The following PSMA1 variants were observed in gnomAD, a reference collection of about 807,000 sequenced individuals.
The protein encoded by PSMA1 is proteasome subunit alpha type-1.
A neutral mutation model predicts 38.4 loss-of-function variants in PSMA1; 3 were observed. That is an observed-to-expected ratio of 0.08 (90% CI 0.04 to 0.20). The LOEUF is 0.20. Ranked by LOEUF, PSMA1 falls within the 10% of genes least tolerant of loss-of-function variation. The pLI is 1.00. For synonymous variants in PSMA1, 101 were observed against 107.1 expected (o/e 0.94, Z 0.35); for missense variants, 227 against 325.3 (o/e 0.70, Z 2.32).
chr11:14,559,489 G>T (rs2134172422), intron 2 of PSMA1, among the ~76,000 whole-genome samples: 1 of 152,290 alleles, frequency 6.6e-6, no homozygotes, highest in East Asian at 1.9e-4. Flanking sequence ...ACAGCTAGTG[G>T]GACTAGTGGC....
chr11:14,629,220 T>C lies in PSMA1; in HGVS notation c.-166+14235A>G, dbSNP rs1852965523. ...GCTTCTGTTGCCATTGCTTTTGGTG[T>C]TTTAGACATGAAGTCCTTGCCCATG... is the stretch of plus-strand genomic sequence containing the variant. On this transcript the variant is annotated intron_variant, in intron 1 of 10. Coordinates refer to the PSMA1 transcript ENST00000418988. 3.3e-5 allele frequency among the ~76,000 whole-genome samples: 5 copies of C among 152,258 alleles called. No individual in the cohort carries two copies. The South Asian group carries it at 1.0e-3, about 32-fold the overall frequency.
intron 1 of PSMA1, among the ~76,000 whole-genome samples, chr11:14,612,220 T>C (rs1590010768): frequency 1.3e-5 from 2 of 152,174 alleles, no homozygotes; most frequent in East Asian, 3.8e-4. Context: ...AGTTGTGTCA[T>C]AGGAAAACAA....
intron 8 of PSMA1, among the ~76,000 whole-genome samples, 163 bp from the exon 9 acceptor site, chr11:14,507,929 C>A (rs931752248): frequency 6.6e-6 from 1 of 152,064 alleles, no homozygotes; most frequent in African/African-American, 2.4e-5. Flanking sequence ...AACTAGTGGA[C>A]CCTTGTCATT....
intron 1 of PSMA1, among the ~76,000 whole-genome samples, chr11:14,637,804 G>A (rs1702762115): frequency 6.6e-6 from 1 of 152,132 alleles, no homozygotes; most frequent in Non-Finnish European, 1.5e-5. Flanking sequence ...AAGAAAGAGA[G>A]CTATTTACTT....
intron 2 of PSMA1, among the ~76,000 whole-genome samples, chr11:14,594,457 C>A (rs1852461981): frequency 6.6e-6 from 1 of 152,056 alleles, no homozygotes; most frequent in African/African-American, 2.4e-5. Flanking sequence ...CATGTCTAGA[C>A]CAAGACATGT....
At chr11:14,611,024 A>C (rs1403247) in exon 2 of PSMA1, 883,648 of 1,597,740 alleles carry the variant, frequency 0.55, 246,759 homozygotes, top group East Asian at 0.66. Flanking sequence ...AGACCAACAT[A>C]CAACATAGGT....
chr11:14,618,449 G>C (rs141130573), intron 1 of PSMA1, among the ~76,000 whole-genome samples: 33 of 152,312 alleles, frequency 2.2e-4, no homozygotes, highest in Non-Finnish European at 4.0e-4. Context: ...CCTCTCAGTA[G>C]AGTTATCCAA....
intron 8 of PSMA1, among the ~76,000 whole-genome samples, 185 bp from the exon 9 acceptor site, chr11:14,507,951 T>C (rs1851273605): frequency 6.6e-6 from 1 of 152,218 alleles, no homozygotes; most frequent in Non-Finnish European, 1.5e-5. Context: ...GCAGATTTAA[T>C]ATTAATACTA....
intron 2 of PSMA1, among the ~76,000 whole-genome samples, chr11:14,564,360 T>C (rs1852044412): frequency 1.3e-5 from 2 of 152,262 alleles, no homozygotes; most frequent in African/African-American, 4.8e-5. Context: ...ATCCAGGTTT[T>C]GCATGCATTG....
intron 7 of PSMA1, 35 bp downstream of exon 7, chr11:14,513,531 GCAAA>G: frequency 2.5e-6 from 3 of 1,182,530 alleles, no homozygotes; most frequent in South Asian, 2.3e-5. Flanking sequence ...ACTGGAAAAG[GCAAA>G]AAAAAAAAAA....
intron 1 of PSMA1, among the ~76,000 whole-genome samples, chr11:14,624,611 C>T (rs1852889141): frequency 6.6e-6 from 1 of 152,162 alleles, no homozygotes; most frequent in Non-Finnish European, 1.5e-5. Context: ...TAGATACTGC[C>T]AGGGCAGTTT....
intron 1 of PSMA1, among the ~76,000 whole-genome samples, chr11:14,619,218 G>A (rs1852811374): frequency 1.3e-5 from 2 of 152,152 alleles, no homozygotes; most frequent in Non-Finnish European, 2.9e-5. Context: ...GGAGGCGGAG[G>A]CAAGCAGATT....
Position 14,612,575 on chromosome 11 carries a change from T to A in PSMA1, c.-165-1424A>T, listed in dbSNP as rs945460272. Among the ~76,000 whole-genome samples the A allele has an allele frequency of 2.0e-5, 3 of 152,298 alleles. No homozygotes were observed. In the South Asian group the frequency reaches 6.2e-4, roughly 32 times the overall value. On this transcript the variant is annotated intron_variant, in intron 1 of 10. Coordinates refer to the PSMA1 transcript ENST00000418988. ...GGAGCAGTTTCTTAATTCATTCTAC[T>A]AGCAACTGATATTGTGCTAGGTGAA...
At chr11:14,632,885 T>G (rs1328236160) in intron 1 of PSMA1, among the ~76,000 whole-genome samples, 1 of 152,078 alleles carries the variant, frequency 6.6e-6, no homozygotes, top group Non-Finnish European at 1.5e-5. Flanking sequence ...ATTTCATTCA[T>G]TTCATCTTCC....
chr11:14,611,838 C>T (rs1852712344), intron 1 of PSMA1, among the ~76,000 whole-genome samples: 1 of 152,064 alleles, frequency 6.6e-6, no homozygotes. Context: ...TGTCTCTTTT[C>T]AAGGGAGTCT....
At chr11:14,513,405 T>A in intron 7 of PSMA1, 165 bp downstream of exon 7, 1 of 719,446 alleles carries the variant, frequency 1.4e-6, no homozygotes, top group Non-Finnish European at 1.9e-6. Context: ...AAGTTAAGAT[T>A]AGTATATGTG....
chr11:14,524,393 AT>A (rs568228512), upstream of PSMA1, among the ~76,000 whole-genome samples: 12 of 152,230 alleles, frequency 7.9e-5, no homozygotes, highest in South Asian at 2.5e-3. Context: ...TCCACCATTG[AT>A]TTATTTCTGC....
intron 2 of PSMA1, among the ~76,000 whole-genome samples, chr11:14,573,413 A>C (rs1852172076): frequency 6.6e-6 from 1 of 152,250 alleles, no homozygotes; most frequent in South Asian, 2.1e-4. Context: ...GACAAAAACC[A>C]CATGATTATC....
At chr11:14,531,977 G>C (rs921579094) in intron 2 of PSMA1, among the ~76,000 whole-genome samples, 2 of 152,122 alleles carry the variant, frequency 1.3e-5, no homozygotes, top group Non-Finnish European at 2.9e-5. Context: ...ACCACTTGCT[G>C]TTCCCCTGCC....
Sources: allele counts gnomAD v4.1 joint callset (sites outside exome capture counted in the v4.1 genomes callset), GRCh38; gene constraint gnomAD v4.1.1; transcripts MANE v1.5; gene names NCBI Gene and HGNC (gene_info 2026-07-23, HGNC 2026-07-21).